The following SOBP variants were observed in gnomAD, a reference collection of about 807,000 sequenced individuals.
SOBP encodes sine oculis-binding protein homolog.
In SOBP, 4 loss-of-function variants were observed where a neutral mutation model predicts 53.6. The observed-to-expected ratio is 0.07, with a 90% CI of 0.04 to 0.17. The LOEUF is 0.17. Among genes scored for constraint, SOBP ranks in the 10% least tolerant of loss-of-function variants. SOBP has a pLI of 1.00. For synonymous variants in SOBP, 584 were observed against 522.6 expected, an observed-to-expected ratio of 1.12 and a Z score of -1.60; for missense variants, 1,088 against 1,204.7, an observed-to-expected ratio of 0.90 and a Z score of 1.43.
intron 6 of SOBP, among the ~76,000 whole-genome samples, chr6:107,648,980 G>T (rs1482814823): frequency 6.6e-6 from 1 of 151,778 alleles, no homozygotes; most frequent in Non-Finnish European, 1.5e-5. Flanking sequence ...GAGGTGGGAG[G>T]ATCATGAGCC....
chr6:107,626,314 TA>T (rs1215707881), intron 5 of SOBP, among the ~76,000 whole-genome samples: 5 of 152,216 alleles, frequency 3.3e-5, no homozygotes, highest in Admixed American at 6.5e-5. Context: ...TTATTGCTAA[TA>T]GACAGATTTT....
At chr6:107,493,510 T>C (rs939664304) in intron 1 of SOBP, among the ~76,000 whole-genome samples, 1 of 152,148 alleles carries the variant, frequency 6.6e-6, no homozygotes, top group Admixed American at 6.5e-5. Context: ...GAGATTTGGC[T>C]CAGGGATTAG....
chr6:107,595,253 T>C (rs1454077882), intron 5 of SOBP, among the ~76,000 whole-genome samples: 1 of 151,592 alleles, frequency 6.6e-6, no homozygotes, highest in East Asian at 2.0e-4. Context: ...ACTTGGGACA[T>C]TAAAAGATCA....
Position 107,516,571 on chromosome 6 carries a change from G to A in SOBP, c.421+10144G>A, listed in dbSNP as rs374363895. Among the ~76,000 whole-genome samples, 34 of 152,046 alleles carry A rather than the reference G, an allele frequency of 2.2e-4. No individual in the cohort carries two copies. In the East Asian group the frequency reaches 6.2e-3, roughly 28 times the overall value. ...TTATTTAATAAGGAAATAAAAAGGA[G>A]TAAGAAACTCAAGATTTGTAAGACA... is the stretch of plus-strand genomic sequence containing the variant. On this transcript the variant is annotated intron_variant, in intron 3 of 6. Coordinates refer to ENST00000317357, the MANE Select transcript of SOBP (RefSeq NM_018013.4).
At chr6:107,650,325 C>T (rs182700529) in intron 6 of SOBP, among the ~76,000 whole-genome samples, 60 of 152,278 alleles carry the variant, frequency 3.9e-4, no homozygotes, top group South Asian at 3.5e-3. Context: ...GCTATAGACT[C>T]GAAAGGAGAA....
At chr6:107,646,974 G>T (rs976556194) in intron 6 of SOBP, among the ~76,000 whole-genome samples, 3 of 152,160 alleles carry the variant, frequency 2.0e-5, no homozygotes, top group African/African-American at 7.2e-5. Flanking sequence ...TATAAAGTGT[G>T]GCTCATCACA....
chr6:107,554,194 C>T (rs1253408100), intron 4 of SOBP, among the ~76,000 whole-genome samples: 1 of 152,184 alleles, frequency 6.6e-6, no homozygotes, highest in Non-Finnish European at 1.5e-5. Flanking sequence ...GGCATTTGGC[C>T]TGAGAGCTAG....
At chr6:107,525,740 A>G (rs1783641883) in intron 3 of SOBP, among the ~76,000 whole-genome samples, 1 of 152,144 alleles carries the variant, frequency 6.6e-6, no homozygotes, top group Non-Finnish European at 1.5e-5. Context: ...CCATTTATTC[A>G]TCTGTCCATT....
intron 4 of SOBP, among the ~76,000 whole-genome samples, chr6:107,535,890 G>C (rs544475315): frequency 6.6e-6 from 1 of 152,096 alleles, no homozygotes; most frequent in Non-Finnish European, 1.5e-5. Flanking sequence ...GCCCCTGGGT[G>C]TTCCGTACTG....
At chr6:107,622,988 G>GAATC (rs1770248273) in intron 5 of SOBP, among the ~76,000 whole-genome samples, 1 of 152,200 alleles carries the variant, frequency 6.6e-6, no homozygotes, top group Non-Finnish European at 1.5e-5. Flanking sequence ...GCAGTGAAGG[G>GAATC]AATCCTACTT....
chr6:107,591,986 T>TTG (rs1562086468), intron 5 of SOBP, among the ~76,000 whole-genome samples: 4 of 131,044 alleles, frequency 3.1e-5, no homozygotes, highest in African/African-American at 1.1e-4. Flanking sequence ...TTTTTTTTTT[T>TTG]TTTTTTGTAA....
chr6:107,511,319 C>T (rs1783162862), intron 3 of SOBP: 1 of 152,228 alleles, frequency 6.6e-6, no homozygotes, highest in Non-Finnish European at 1.5e-5. Flanking sequence ...CACTCTCTTC[C>T]TGCTAAAAGT....
At chr6:107,542,057 T>C (rs751702304) in intron 4 of SOBP, among the ~76,000 whole-genome samples, 1 of 152,136 alleles carries the variant, frequency 6.6e-6, no homozygotes, top group Non-Finnish European at 1.5e-5. Context: ...AAAGTCCCTG[T>C]CTTAAAGGGA....
At chr6:107,601,653 T>C (rs1170235814) in intron 5 of SOBP, among the ~76,000 whole-genome samples, 1 of 152,204 alleles carries the variant, frequency 6.6e-6, no homozygotes, top group Non-Finnish European at 1.5e-5. Flanking sequence ...CTGTGTGTGA[T>C]TTCCACACAG....
chr6:107,548,385 G>T (rs756223292), intron 4 of SOBP, among the ~76,000 whole-genome samples: 1 of 151,660 alleles, frequency 6.6e-6, no homozygotes, highest in Non-Finnish European at 1.5e-5. Context: ...TGGGACTACA[G>T]GCGCCCGCCA....
At chr6:107,597,962 G>A (rs879794509) in intron 5 of SOBP, among the ~76,000 whole-genome samples, 6 of 152,140 alleles carry the variant, frequency 3.9e-5, no homozygotes, top group Non-Finnish European at 7.4e-5. Context: ...CCAAAAAGTG[G>A]AATTCACATG....
chr6:107,515,248 A>G (rs1205702040), intron 3 of SOBP, among the ~76,000 whole-genome samples: 3 of 152,240 alleles, frequency 2.0e-5, no homozygotes, highest in Non-Finnish European at 4.4e-5. Flanking sequence ...CCAGACCTAG[A>G]TGGCTTCAAT....
intron 4 of SOBP, among the ~76,000 whole-genome samples, chr6:107,575,371 T>C (rs955249515): frequency 1.3e-5 from 2 of 152,162 alleles, no homozygotes; most frequent in Non-Finnish European, 2.9e-5. Context: ...CTCCATGAAG[T>C]AGTCACTGAG....
intron 4 of SOBP, among the ~76,000 whole-genome samples, chr6:107,575,092 G>A (rs1785187988): frequency 6.6e-6 from 1 of 152,200 alleles, no homozygotes; most frequent in Non-Finnish European, 1.5e-5. Flanking sequence ...TGCACCTGGT[G>A]TCATGACACC....
Sources: allele counts gnomAD v4.1 joint callset (sites outside exome capture counted in the v4.1 genomes callset), GRCh38; gene constraint gnomAD v4.1.1; transcripts MANE v1.5; gene names NCBI Gene and HGNC (gene_info 2026-07-23, HGNC 2026-07-21).